TTC21A: variants seen among roughly 807,000 people sequenced by gnomAD.
TTC21A encodes the protein tetratricopeptide repeat protein 21A.
TTC21A carries 128 observed loss-of-function variants against 156.4 expected under a neutral mutation model. That is an observed-to-expected ratio of 0.82 (90% CI 0.71 to 0.95). The LOEUF (loss-of-function observed/expected upper bound fraction) is 0.95, where lower values mean the gene tolerates loss of function less well. Ranked by LOEUF, TTC21A falls within the 40% of genes least tolerant of loss-of-function variation. TTC21A has a pLI of 0.00. For synonymous variants in TTC21A, 587 were observed against 617.1 expected, an observed-to-expected ratio of 0.95 and a Z score of 0.72; for missense variants, 1,435 against 1,602.3, an observed-to-expected ratio of 0.90 and a Z score of 1.78.
Position 39,129,136 on chromosome 3 carries a change from G to A in TTC21A, c.1961G>A (p.Arg654His), listed in dbSNP as rs373913915. The change falls in exon 15 of 29, where the codon CGC (arginine) becomes CAC (histidine). Residue 654 changes from arginine (R) to histidine (H), a missense_variant. By Grantham distance (29) the Arg-to-His change is conservative. Coordinates refer to ENST00000683103, the MANE Select transcript of TTC21A (RefSeq NM_001366900.1). ...TTCGGTGGCACACCAGAAGAGAACC[G>A]CATCACCATTGCCAACGTGGACTTG... ...NEFGGTPEEN[R>H]ITIANVDLVL... 28 of 1,614,108 alleles carry A rather than the reference G, an allele frequency of 1.7e-5. No individual in the cohort carries two copies. The highest frequency in any genetic ancestry group is 8.3e-5 in the Admixed American group (5 of 60,016).
intron 12 of TTC21A, 86 bp downstream of exon 12, chr3:39,126,476 AC>A: frequency 1.2e-5 from 1 of 84,436 alleles, no homozygotes; most frequent in African/African-American, 3.4e-4. Flanking sequence ...CTAGGATACT[AC>A]ACACACACAC....
chr3:39,129,400 C>T, intron 15 of TTC21A, 90 bp downstream of exon 15: 2 of 965,368 alleles, frequency 2.1e-6, no homozygotes, highest in South Asian at 1.4e-5. Context: ...CAACCTGGGT[C>T]TCCAGAATGT....
chr3:39,127,248 C>A (rs1340457689), intron 12 of TTC21A, among the ~76,000 whole-genome samples: 1 of 152,194 alleles, frequency 6.6e-6, no homozygotes, highest in African/African-American at 2.4e-5. Flanking sequence ...CCAGGCTGAT[C>A]TGTGGTGTTC....
At chr3:39,112,680 A>T (rs1437093758) in intron 5 of TTC21A, 100 bp downstream of exon 5, 5 of 1,512,528 alleles carry the variant, frequency 3.3e-6, no homozygotes, top group Non-Finnish European at 4.4e-6. Context: ...TAGTCTCCAG[A>T]TGCCTCATCT....
chr3:39,134,987 C>T lies in TTC21A; in HGVS notation c.2863-106C>T. ...GGGAGGCTGCCTTGCAAGTCCTTTTCTACCTTCCCTTCTTACCACCATCAC... is the reference window on the plus strand; with the variant it reads ...GGGAGGCTGCCTTGCAAGTCCTTTTTTACCTTCCCTTCTTACCACCATCAC... On this transcript the variant is annotated intron_variant, in intron 21 of 28. Coordinates refer to ENST00000683103, the MANE Select transcript of TTC21A (RefSeq NM_001366900.1). The surrounding 1 kb of genome is among the most constrained non-coding windows in gnomAD (Gnocchi z 4.6). 1 of 1,005,076 alleles carries T rather than the reference C, an allele frequency of 9.9e-7. No homozygotes were observed. Among genetic ancestry groups the T allele is most frequent in the South Asian group, 1.3e-5 (1 of 75,764 alleles). 62.3% of individuals were successfully genotyped at this position (1,005,076 alleles called of 1,614,324 possible). A position where few individuals can be genotyped will look rare whatever the true frequency, so the allele number is the denominator to read the frequency against.
intron 5 of TTC21A, 64 bp from the exon 6 acceptor site, chr3:39,114,521 C>T (rs2037111953): frequency 1.3e-6 from 2 of 1,532,298 alleles, no homozygotes; most frequent in Non-Finnish European, 1.8e-6. Context: ...AGACAACCCC[C>T]CTCCAGCAAA....
Position 39,125,110 on chromosome 3 carries a change from T to C in TTC21A, c.1141T>C (p.Tyr381His), listed in dbSNP as rs748726326. The C allele has an allele frequency of 1.2e-6, 2 of 1,613,888 alleles. No homozygotes were observed. Among genetic ancestry groups the C allele is most frequent in the African/African-American group, 1.3e-5 (1 of 74,884 alleles). The change falls in exon 10 of 29, where the codon TAC becomes CAC. Residue 381 changes from tyrosine to histidine, a missense_variant. Tyr to His is a moderately conservative substitution (Grantham distance 83). Coordinates refer to ENST00000683103, the MANE Select transcript of TTC21A (RefSeq NM_001366900.1). ...AGAAGGCCACCTGGAGGAAGCTGAG[T>C]ACCGGCTGGAATTCCTGAAGGAGGT... is the stretch of plus-strand genomic sequence containing the variant. ...ILEGHLEEAE[Y>H]RLEFLKEVQK...
At chr3:39,133,403 G>T (rs1021829146) in intron 20 of TTC21A, among the ~76,000 whole-genome samples, 163 bp downstream of exon 20, 2 of 152,248 alleles carry the variant, frequency 1.3e-5, no homozygotes. Flanking sequence ...CTGGGGTAAG[G>T]TGTCTGCTCC....
intron 19 of TTC21A, among the ~76,000 whole-genome samples, chr3:39,132,306 G>C (rs2038783153): frequency 6.6e-6 from 1 of 152,200 alleles, no homozygotes; most frequent in Admixed American, 6.5e-5. Flanking sequence ...GCTGAGATCT[G>C]AGCCAGGTCT....
Position 39,137,251 on chromosome 3 carries a change from T to C in TTC21A, c.3314T>C (p.Leu1105Pro), listed in dbSNP as rs1315068846. The C allele has an allele frequency of 6.2e-7, 1 of 1,613,860 alleles. No individual in the cohort carries two copies. The highest frequency in any genetic ancestry group is 8.5e-7 in the Non-Finnish European group (1 of 1,179,968). The change falls in exon 25 of 29, where the codon CTG becomes CCG. Residue 1105 changes from leucine (L) to proline (P), a missense_variant. Transcript: ENST00000683103. ...QQGVSTAEKL[L>P]REFYPHSDSS... is the part of the protein sequence containing the mutation. ...GGTGTGAGCACCGCCGAGAAACTGC[T>C]GCGTGAGTTTTACCCACATTCAGAC...
In TTC21A at chr3:39,114,575, C is replaced by T. The variant is rs2037118192; in HGVS notation, c.559-10C>T. On this transcript the variant is annotated splice_polypyrimidine_tract_variant and intron_variant, in intron 5 of 28. Coordinates refer to ENST00000683103, the MANE Select transcript of TTC21A (RefSeq NM_001366900.1). ...CCTTCACGGAGGCTCTTCTGTCTGG[C>T]TCCCAACAGGCAATGTACTTCATGA... 2 of 1,613,978 alleles carry T rather than the reference C, an allele frequency of 1.2e-6. No homozygotes were observed. The highest frequency in any genetic ancestry group is 1.3e-5 in the African/African-American group (1 of 75,058).
intron 10 of TTC21A, 53 bp downstream of exon 10, chr3:39,125,213 C>T: frequency 6.5e-7 from 1 of 1,537,974 alleles, no homozygotes; most frequent in Non-Finnish European, 9.0e-7. Context: ...CTCTGCTGTC[C>T]TCCCACCCCC....
rs200112068 is a variant in TTC21A, at chr3:39,110,081, C to T, written c.210C>T (p.Asp70=). 2.8e-5 allele frequency: 45 copies of T among 1,614,182 alleles called. No homozygotes were observed. In the Admixed American group the frequency reaches 6.0e-4, roughly 22 times the overall value. The change falls in exon 3 of 29, where the codon GAC becomes GAT. Residue 70 remains aspartate (D), a synonymous_variant. Transcript: ENST00000683103. ...TGGAAAGCATCAGGCATCACCCAGA[C>T]GTGTCCCTGTGCTCCACCATGGCCC... ...SDLESIRHHP[D]VSLCSTMALI...
chr3:39,130,064 T>A lies in TTC21A; in HGVS notation c.2136-15T>A. The A allele has an allele frequency of 6.2e-7, 1 of 1,613,928 alleles. No individual in the cohort carries two copies. The highest frequency in any genetic ancestry group is 8.5e-7 in the Non-Finnish European group (1 of 1,179,934). ...TGCGAACCTGGGATAAGCTTTTGGT[T>A]ACTCTTGCTTGCAGTGAGCTCTGTG... On this transcript the variant is annotated splice_polypyrimidine_tract_variant and intron_variant, in intron 15 of 28. Transcript: ENST00000683103. This position sits in a 1 kb window ranked among gnomAD's most constrained non-coding sequence, Gnocchi z 4.5.
Position 39,138,572 on chromosome 3 carries a change from C to T in TTC21A, c.3813C>T (p.Phe1271=). 1 of 1,614,204 alleles carries T rather than the reference C, an allele frequency of 6.2e-7. No homozygotes were observed. The highest frequency in any genetic ancestry group is 8.5e-7 in the Non-Finnish European group (1 of 1,180,040). The change falls in exon 28 of 29, where the codon TTC becomes TTT. Residue 1271 remains phenylalanine, a synonymous_variant. Transcript: ENST00000683103. ...ANPAIGFKLA[F]NYLKDKKFVE... is the part of the protein sequence containing the mutation. ...CCCCGGTAGGCTTCAAACTTGCTTT[C>T]AACTACCTGAAGGACAAGAAATTTG...
At chr3:39,119,842 T>G in intron 7 of TTC21A, 80 bp from the exon 8 acceptor site, 1 of 915,260 alleles carries the variant, frequency 1.1e-6, no homozygotes, top group Non-Finnish European at 1.7e-6. Context: ...CTGATGCTAC[T>G]ATGCAGTCAG....
At chr3:39,126,925 C>T (rs576053448) in intron 12 of TTC21A, among the ~76,000 whole-genome samples, 1 of 152,176 alleles carries the variant, frequency 6.6e-6, no homozygotes, top group South Asian at 2.1e-4. Context: ...GGGAGCACAT[C>T]GTATTTTTTT....
chr3:39,112,570 T>G lies in TTC21A; in HGVS notation c.548T>G (p.Leu183Arg), dbSNP rs371509280. ...CAGGACACCAAAGATGTGCTGGGGC[T>G]GATGGGAAAGGTGGGCAGTGGAAAA... ...GIQDTKDVLG[L>R]MGKAMYFMMQ... The change falls in exon 5 of 29, where the codon CTG becomes CGG. Residue 183 changes from leucine to arginine, a missense_variant. Physicochemically the swap from Leu to Arg is moderately radical, Grantham distance 102 (BLOSUM62 -2). Coordinates refer to ENST00000683103, the MANE Select transcript of TTC21A (RefSeq NM_001366900.1). 1.5e-5 allele frequency: 25 copies of G among 1,613,906 alleles called. No homozygotes were observed. The highest frequency in any genetic ancestry group is 2.0e-5 in the Non-Finnish European group (24 of 1,179,994).
chr3:39,116,492 G>C (rs948635124), intron 6 of TTC21A, among the ~76,000 whole-genome samples: 4 of 146,270 alleles, frequency 2.7e-5, no homozygotes, highest in Admixed American at 1.3e-4. Context: ...CCCTTTTTTT[G>C]GGGGGGAATG....
Sources: gnomAD v4.1 joint callset for allele counts (sites outside exome capture counted in the v4.1 genomes callset) on GRCh38, gnomAD v4.1.1 for gene constraint, Gnocchi (gnomAD v3.1) non-coding constraint, MANE v1.5 for transcripts, NCBI Gene and HGNC (gene_info 2026-07-23, HGNC 2026-07-21) for gene names.